USH2A: variants seen among roughly 807,000 people sequenced by gnomAD.
The protein encoded by USH2A is Usher syndrome 2A (autosomal recessive, mild).
USH2A carries 443 observed loss-of-function variants against 538.9 expected under a neutral mutation model. The observed-to-expected ratio is 0.82, with a 90% confidence interval of 0.76 to 0.89. The LOEUF is 0.89. Ranked by LOEUF, USH2A falls within the 40% of genes least tolerant of loss-of-function variation. The pLI is 0.00. For missense variants in USH2A, 6,633 were observed against 6,324.8 expected, an observed-to-expected ratio of 1.05 and a Z score of -1.65; for synonymous variants, 2,413 against 2,273.5, an observed-to-expected ratio of 1.06 and a Z score of -1.75.
At chr1:215,769,486 A>G (rs564974173) in intron 55 of USH2A, among the ~76,000 whole-genome samples, 12 of 152,334 alleles carry the variant, frequency 7.9e-5, no homozygotes, top group African/African-American at 2.4e-4. Context: ...TTCTGCTGCA[A>G]GTTGAGTGGT....
chr1:215,654,521 A>G (rs1175952898), intron 64 of USH2A, among the ~76,000 whole-genome samples: 1 of 152,242 alleles, frequency 6.6e-6, no homozygotes, highest in Non-Finnish European at 1.5e-5. Flanking sequence ...GTGGGTGCAC[A>G]CACAGTTATG....
chr1:216,260,858 C>A (rs564652833), intron 11 of USH2A, among the ~76,000 whole-genome samples: 4 of 152,184 alleles, frequency 2.6e-5, no homozygotes, highest in African/African-American at 7.2e-5. Context: ...CCACAACTCC[C>A]CTTCTACACA....
chr1:216,339,462 T>C (rs1362903991), intron 4 of USH2A, among the ~76,000 whole-genome samples: 1 of 151,746 alleles, frequency 6.6e-6, no homozygotes, highest in Non-Finnish European at 1.5e-5. Context: ...CACATGATAA[T>C]GATAAATGTA....
intron 32 of USH2A, among the ~76,000 whole-genome samples, chr1:216,029,209 T>A (rs1267476276): frequency 6.6e-6 from 1 of 152,074 alleles, no homozygotes; most frequent in Non-Finnish European, 1.5e-5. Context: ...CCCAGTTTTC[T>A]CCTAGGAATT....
intron 4 of USH2A, among the ~76,000 whole-genome samples, chr1:216,354,118 C>T (rs914492445): frequency 6.6e-6 from 1 of 152,084 alleles, no homozygotes; most frequent in African/African-American, 2.4e-5. Flanking sequence ...TATCTGAAAC[C>T]AGTAGTGAGC....
intron 20 of USH2A, among the ~76,000 whole-genome samples, chr1:216,182,444 G>A (rs567808316): frequency 1.6e-4 from 24 of 152,096 alleles, no homozygotes; most frequent in African/African-American, 4.1e-4. Flanking sequence ...TGATAAAGTC[G>A]CATATCTAAA....
Position 215,693,274 on chromosome 1 carries a change from C to T in USH2A, c.12067-12898G>A, listed in dbSNP as rs976815769. 5.9e-5 allele frequency among the ~76,000 whole-genome samples: 9 copies of T among 152,046 alleles called. No homozygotes were observed. The East Asian group carries it at 1.7e-3, about 30-fold the overall frequency. On this transcript the variant is annotated intron_variant, in intron 61 of 71. Transcript: ENST00000307340. ...GGGATTACAGGTATGAGCCACTGCA[C>T]CCAACCAGTTTACCATTTTCTTGTC...
Position 216,355,071 on chromosome 1 carries a change from G to C in USH2A, c.784+9882C>G, listed in dbSNP as rs145128958. ...ACTTGTAATCCCAGCACTTTGGGAG[G>C]CTGAGGAGGGTGGATCATCTGAGGT... On this transcript the variant is annotated intron_variant, in intron 4 of 71. Transcript: ENST00000307340. 6.7e-3 allele frequency among the ~76,000 whole-genome samples: 1,022 copies of C among 152,106 alleles called. 18 individuals are homozygous for C. Among genetic ancestry groups the C allele is most frequent in the African/African-American group, 0.024 (991 of 41,484 alleles).
At chr1:216,138,554 C>T (rs891865938) in intron 21 of USH2A, among the ~76,000 whole-genome samples, 1 of 152,126 alleles carries the variant, frequency 6.6e-6, no homozygotes, top group Admixed American at 6.5e-5. Context: ...TTTTTCCTGG[C>T]ATTTTCCAGT....
chr1:215,792,180 C>T (rs1261999100), intron 50 of USH2A, among the ~76,000 whole-genome samples: 1 of 152,102 alleles, frequency 6.6e-6, no homozygotes, highest in Non-Finnish European at 1.5e-5. Context: ...CAGACATTGA[C>T]CTAATTTGAA....
chr1:216,410,161 A>G (rs2039463656), intron 3 of USH2A, among the ~76,000 whole-genome samples: 1 of 150,090 alleles, frequency 6.7e-6, no homozygotes, highest in Non-Finnish European at 1.5e-5. Context: ...ACCATCTCAC[A>G]TCAGTCAGAA....
At chr1:216,030,561 CAGATATATAAATGATATAT>C (rs547830663) in intron 32 of USH2A, among the ~76,000 whole-genome samples, 4 of 135,610 alleles carry the variant, frequency 2.9e-5, no homozygotes, top group African/African-American at 1.2e-4. Flanking sequence ...ATATATATCA[CAGATATATAAATGATATAT>C]AGATATATAT....
intron 35 of USH2A, among the ~76,000 whole-genome samples, chr1:215,983,434 T>C (rs1159064014): frequency 3.9e-5 from 6 of 152,112 alleles, no homozygotes; most frequent in Non-Finnish European, 2.9e-5. Context: ...ATATGATGGG[T>C]TTATTAGATA....
chr1:216,032,010 C>T (rs1669140366), intron 32 of USH2A, among the ~76,000 whole-genome samples: 1 of 152,140 alleles, frequency 6.6e-6, no homozygotes, highest in Non-Finnish European at 1.5e-5. Context: ...ACAGAATTTA[C>T]CACAGGTTGG....
rs147915611 is a variant in USH2A, at chr1:216,415,242, C to T, written c.651+3272G>A. On this transcript the variant is annotated intron_variant, in intron 3 of 71. Transcript: ENST00000307340. ...CTTGTTTATGAAGAATTCAAAAGGC[C>T]CTCATTTTGTTCATCTAGTTCAATC... Among the ~76,000 whole-genome samples the T allele has an allele frequency of 2.7e-3, 417 of 151,990 alleles. 1 individual carries two copies. The highest frequency in any genetic ancestry group is 9.4e-3 in the African/African-American group (389 of 41,492).
chr1:216,009,430 T>C (rs902008116), intron 32 of USH2A, among the ~76,000 whole-genome samples: 1 of 152,134 alleles, frequency 6.6e-6, no homozygotes, highest in Non-Finnish European at 1.5e-5. Flanking sequence ...AACAGCACTT[T>C]CAATTTTTTC....
chr1:215,762,378 A>G (rs893315032), intron 56 of USH2A, among the ~76,000 whole-genome samples: 15 of 152,216 alleles, frequency 9.9e-5, no homozygotes, highest in Non-Finnish European at 2.1e-4. Context: ...GATTTGAACC[A>G]GTCAATAAAG....
At chr1:215,767,781 A>G (rs1218005638) in intron 55 of USH2A, among the ~76,000 whole-genome samples, 2 of 152,186 alleles carry the variant, frequency 1.3e-5, no homozygotes, top group African/African-American at 4.8e-5. Context: ...GGATACTCAA[A>G]GTAGTATTTC....
At chr1:215,955,990 T>C (rs1041996789) in intron 37 of USH2A, among the ~76,000 whole-genome samples, 84 of 152,288 alleles carry the variant, frequency 5.5e-4, no homozygotes, top group African/African-American at 1.9e-3. Flanking sequence ...GTAGGGTGTG[T>C]CTTAGAGGCT....
Sources: gnomAD v4.1 joint callset for allele counts (sites outside exome capture counted in the v4.1 genomes callset) on GRCh38, gnomAD v4.1.1 for gene constraint, MANE v1.5 for transcripts, NCBI Gene and HGNC (gene_info 2026-07-23, HGNC 2026-07-21) for gene names.